Variants in STYX observed in about 807,000 individuals in gnomAD.
STYX encodes serine/threonine/tyrosine interacting protein.
A neutral mutation model predicts 42.7 loss-of-function variants in STYX; 20 were observed. The ratio of observed to expected loss-of-function variants is 0.47; its 90% CI spans 0.33 to 0.68. The LOEUF is 0.68. Ranked by LOEUF, STYX falls within the 30% of genes least tolerant of loss-of-function variation. The pLI, the probability that STYX is intolerant of heterozygous loss-of-function variation, is 0.02. For synonymous variants in STYX, 78 were observed against 81.9 expected (o/e 0.95, Z 0.26); for missense variants, 226 against 268.5 (o/e 0.84, Z 1.11).
chr14:52,746,782 T>C (rs1304502250), intron 3 of STYX, among the ~76,000 whole-genome samples: 2 of 152,238 alleles, frequency 1.3e-5, no homozygotes, highest in Admixed American at 6.5e-5. Flanking sequence ...CTGTAATTGC[T>C]AATCATAGCT....
chr14:52,738,918 C>T (rs1881070975), intron 1 of STYX, among the ~76,000 whole-genome samples: 1 of 152,064 alleles, frequency 6.6e-6, no homozygotes, highest in Non-Finnish European at 1.5e-5. Flanking sequence ...TTCTAAATTG[C>T]CTGTATACCT....
intron 4 of STYX, 21 bp downstream of exon 4, chr14:52,750,801 T>A: frequency 7.0e-7 from 1 of 1,437,374 alleles, no homozygotes. Flanking sequence ...TTGCTATGAT[T>A]TGTAAAACAC....
At chr14:52,751,101 A>G (rs1340726281) in intron 4 of STYX, among the ~76,000 whole-genome samples, 1 of 152,038 alleles carries the variant, frequency 6.6e-6, no homozygotes, top group Non-Finnish European at 1.5e-5. Context: ...TATCTAGGGG[A>G]TAGGTTTAGG....
chr14:52,762,358 T>A (rs1301872220), intron 9 of STYX, among the ~76,000 whole-genome samples: 2 of 152,228 alleles, frequency 1.3e-5, no homozygotes, highest in African/African-American at 4.8e-5. Flanking sequence ...TTTAAGGTGC[T>A]TATGGAATGG....
chr14:52,769,921 T>C (rs1882449375), intron 10 of STYX, among the ~76,000 whole-genome samples: 1 of 152,128 alleles, frequency 6.6e-6, no homozygotes, highest in Non-Finnish European at 1.5e-5. Flanking sequence ...TAGAATGCCA[T>C]ATGCCCTTCT....
intron 9 of STYX, among the ~76,000 whole-genome samples, chr14:52,766,892 A>G (rs1435128746): frequency 6.7e-6 from 1 of 148,252 alleles, no homozygotes; most frequent in East Asian, 2.0e-4. Flanking sequence ...TCCATGTCCC[A>G]TGCTGCATTG....
chr14:52,757,987 A>C (rs1452688628), intron 8 of STYX, 63 bp downstream of exon 8: 3 of 1,557,426 alleles, frequency 1.9e-6, no homozygotes, highest in Non-Finnish European at 2.6e-6. Context: ...ACTTAATGGG[A>C]ATAGTTTGGA....
rs958826064 is a variant in STYX, at chr14:52,774,258, G to T, written c.*3152G>T. 6.6e-6 allele frequency: 1 copy of T among 151,874 alleles called. No homozygotes were observed. The highest frequency in any genetic ancestry group is 2.4e-5 in the African/African-American group (1 of 41,352). 9.4% of individuals were successfully genotyped at this position (151,874 alleles called of 1,614,324 possible). ...CATGTCTGTATTAAGAAAATATAAG[G>T]TTTCTAATTGTCTTATTAATATGGT... is the stretch of plus-strand genomic sequence containing the variant. On this transcript the variant is annotated 3_prime_UTR_variant, in exon 11 of 11. Coordinates refer to ENST00000354586, the MANE Select transcript of STYX (RefSeq NM_145251.4).
intron 1 of STYX, 146 bp downstream of exon 1, chr14:52,730,677 C>G: frequency 3.7e-6 from 3 of 814,992 alleles, no homozygotes; most frequent in Non-Finnish European, 5.7e-6. Context: ...GCCGAGCGGT[C>G]GGCTCCAATC....
intron 1 of STYX, among the ~76,000 whole-genome samples, chr14:52,733,088 A>T (rs1880799557): frequency 6.6e-6 from 1 of 152,220 alleles, no homozygotes. Flanking sequence ...ACTGAAAATA[A>T]GTGATGTGCC....
chr14:52,743,223 CATT>C (rs1210718910), intron 1 of STYX, among the ~76,000 whole-genome samples: 1 of 151,890 alleles, frequency 6.6e-6, no homozygotes, highest in Non-Finnish European at 1.5e-5. Flanking sequence ...ACCTGTCTCT[CATT>C]GTAGGATTAT....
chr14:52,765,181 T>G (rs1419599643), intron 9 of STYX, among the ~76,000 whole-genome samples: 1 of 152,170 alleles, frequency 6.6e-6, no homozygotes, highest in Non-Finnish European at 1.5e-5. Flanking sequence ...TCCCTAGTGA[T>G]TTTGTACACA....
Position 52,730,236 on chromosome 14 carries a change from C to CGG in STYX, c.-238_-237dup. 1 of 568,818 alleles carries CGG rather than the reference C, an allele frequency of 1.8e-6. No individual in the cohort carries two copies. The highest frequency in any genetic ancestry group is 4.7e-4 in the Middle Eastern group (1 of 2,116). The allele number at this position is 568,818 out of a possible 1,614,324, so 35.2% of individuals were successfully genotyped here. On this transcript the variant is annotated 5_prime_UTR_variant, in exon 1 of 11. Coordinates refer to ENST00000354586, the MANE Select transcript of STYX (RefSeq NM_145251.4). ...GTACGGAGACTCTGGGGGAGGGAGA[C>CGG]GGCAGCGGCATGGCGGCCGGGTGTA...
At chr14:52,739,632 C>CTT (rs58454717) in intron 1 of STYX, among the ~76,000 whole-genome samples, 5,147 of 65,820 alleles carry the variant, frequency 0.078, 274 homozygotes, top group Non-Finnish European at 0.099. Flanking sequence ...TCCTTTCTTT[C>CTT]TTTTTTTTTT....
At chr14:52,760,842 G>A (rs964141138) in intron 9 of STYX, among the ~76,000 whole-genome samples, 9 of 151,346 alleles carry the variant, frequency 5.9e-5, no homozygotes, top group Admixed American at 4.6e-4. Flanking sequence ...TGGATACATA[G>A]TAGGTTAGGT....
rs36115577 is a variant in STYX at position 52,774,591 on chromosome 14, A to ATTTTTTTTTTTTTTTT, written c.*3487_*3502dup. The ATTTTTTTTTTTTTTTT allele has an allele frequency of 1.5e-5, 2 of 136,264 alleles. No individual in the cohort carries two copies. Among genetic ancestry groups the ATTTTTTTTTTTTTTTT allele is most frequent in the Non-Finnish European group, 1.6e-5 (1 of 63,016 alleles). The allele number at this position is 136,264 out of a possible 1,614,324, so 8.4% of individuals were successfully genotyped here. A position where few individuals can be genotyped will look rare whatever the true frequency, so the allele number is the denominator to read the frequency against. On this transcript the variant is annotated 3_prime_UTR_variant, in exon 11 of 11. Coordinates refer to ENST00000354586, the MANE Select transcript of STYX (RefSeq NM_145251.4). ...GTCTCTAGGGTCTTTGAATGCTGGA[A>ATTTTTTTTTTTTTTTT]TTTTTTTTTTTTTTTTTGTCTTTCC... is the stretch of plus-strand genomic sequence containing the variant.
Position 52,771,211 on chromosome 14 carries a change from A to C in STYX, c.*105A>C. 9.6e-7 allele frequency: 1 copy of C among 1,043,116 alleles called. No homozygotes were observed. The allele number at this position is 1,043,116 out of a possible 1,614,324, so 64.6% of individuals were successfully genotyped here. On this transcript the variant is annotated 3_prime_UTR_variant, in exon 11 of 11. Transcript: ENST00000354586. ...AAAAACATAAGTAGTTTTTTTTTCAATTACATGTTGCTTCCAGACATACTT... is the reference window on the plus strand; with the variant it reads ...AAAAACATAAGTAGTTTTTTTTTCACTTACATGTTGCTTCCAGACATACTT...
At chr14:52,744,342 C>G (rs2139892829) in intron 1 of STYX, among the ~76,000 whole-genome samples, 1 of 152,268 alleles carries the variant, frequency 6.6e-6, no homozygotes, top group Middle Eastern at 3.4e-3. Context: ...GAAGGAAAGG[C>G]TCTTTGATAA....
At chr14:52,744,629 TAAC>T (rs150566613) in intron 1 of STYX, among the ~76,000 whole-genome samples, 4,964 of 152,352 alleles carry the variant, frequency 0.033, 122 homozygotes, top group Non-Finnish European at 0.051. Context: ...TGAAGTAACA[TAAC>T]AATTCTGGAA....
Sources: gnomAD v4.1 joint callset for allele counts (sites outside exome capture counted in the v4.1 genomes callset) on GRCh38, gnomAD v4.1.1 for gene constraint, MANE v1.5 for transcripts, NCBI Gene and HGNC (gene_info 2026-07-23, HGNC 2026-07-21) for gene names.